The following TMEM178B variants were observed in gnomAD, a reference collection of about 807,000 sequenced individuals.
TMEM178B encodes transmembrane protein 178B.
TMEM178B carries 5 observed loss-of-function variants against 31.0 expected under a neutral mutation model. The ratio of observed to expected loss-of-function variants is 0.16; its 90% CI spans 0.08 to 0.34. The LOEUF (loss-of-function observed/expected upper bound fraction) is 0.34. TMEM178B is among the 10% of genes least tolerant of loss of function. TMEM178B has a pLI of 1.00. For synonymous variants in TMEM178B, 164 were observed against 164.0 expected, an observed-to-expected ratio of 1.00 and a Z score of 0.00; for missense variants, 275 against 400.3, an observed-to-expected ratio of 0.69 and a Z score of 2.67.
At position 141,263,518 on chromosome 7, in the gene TMEM178B, G is replaced by T. The variant is rs114644520; in HGVS notation, c.496+50814G>T. On this transcript the variant is annotated intron_variant, in intron 2 of 3. Transcript: ENST00000565468. ...ATGGAGGTCAGAGGACAGAGTGAAG[G>T]CTGGGGTAGGGGAAAGGTCTGTCTG... Among the ~76,000 whole-genome samples the T allele has an allele frequency of 3.2e-3, 485 of 152,330 alleles. 1 individual carries two copies. Among genetic ancestry groups the T allele is most frequent in the African/African-American group, 0.011 (469 of 41,564 alleles).
intron 2 of TMEM178B, among the ~76,000 whole-genome samples, chr7:141,401,723 C>T (rs140538630): frequency 3.9e-5 from 6 of 152,262 alleles, no homozygotes; most frequent in African/African-American, 1.2e-4. Flanking sequence ...ATCTTTTTTA[C>T]AGGACAGAAA....
chr7:141,470,200 A>G (rs1802214393), intron 3 of TMEM178B, among the ~76,000 whole-genome samples: 1 of 152,216 alleles, frequency 6.6e-6, no homozygotes, highest in African/African-American at 2.4e-5. Context: ...TGCTTTAGGA[A>G]AATGAACTGA....
At chr7:141,500,955 T>A in the TMEM178B span, among the ~76,000 whole-genome samples, 1 of 152,192 alleles carries the variant, frequency 6.6e-6, no homozygotes, top group Non-Finnish European at 1.5e-5. Flanking sequence ...GAAATAAAGC[T>A]AAATAATCCT....
intron 2 of TMEM178B, among the ~76,000 whole-genome samples, chr7:141,247,970 G>A (rs748117616): frequency 2.0e-5 from 3 of 151,854 alleles, no homozygotes; most frequent in Non-Finnish European, 2.9e-5. Flanking sequence ...GCCCTGTCAT[G>A]TGTCCTCCCC....
chr7:141,142,482 G>T (rs1490648988), intron 1 of TMEM178B, among the ~76,000 whole-genome samples: 2 of 149,218 alleles, frequency 1.3e-5, no homozygotes, highest in Non-Finnish European at 3.0e-5. Flanking sequence ...TTCTCTGCTC[G>T]CTGCAAGCTC....
intron 2 of TMEM178B, among the ~76,000 whole-genome samples, chr7:141,279,493 G>A (rs1037655014): frequency 2.6e-5 from 4 of 152,184 alleles, no homozygotes; most frequent in African/African-American, 7.2e-5. Context: ...TTTCTGACTC[G>A]AAGGCTGTCA....
At chr7:141,317,403 G>C (rs553950907) in intron 2 of TMEM178B, among the ~76,000 whole-genome samples, 1 of 152,294 alleles carries the variant, frequency 6.6e-6, no homozygotes, top group South Asian at 2.1e-4. Flanking sequence ...CCTGGCTGCA[G>C]GTGCATCAGT....
At chr7:141,499,665 AAAGAT>A in the TMEM178B span, among the ~76,000 whole-genome samples, 1 of 152,014 alleles carries the variant, frequency 6.6e-6, no homozygotes, top group African/African-American at 2.4e-5. Flanking sequence ...AAACCCCACA[AAAGAT>A]AAGTATATCA....
At chr7:141,337,026 T>TCACCAC (rs1364878528) in intron 2 of TMEM178B, among the ~76,000 whole-genome samples, 3 of 25,428 alleles carry the variant, frequency 1.2e-4, no homozygotes, top group Non-Finnish European at 7.0e-5. Flanking sequence ...ATCACCACCA[T>TCACCAC]CACCACCACC....
rs906126544 is a variant in TMEM178B, at chr7:141,074,754, C to T, written c.382+62C>T. 2.0e-5 allele frequency: 28 copies of T among 1,435,624 alleles called. No individual in the cohort carries two copies. Among genetic ancestry groups the T allele is most frequent in the Non-Finnish European group, 2.5e-5 (28 of 1,099,852 alleles). The allele number at this position is 1,435,624 out of a possible 1,614,324, so 88.9% of individuals were successfully genotyped here. On this transcript the variant is annotated intron_variant, in intron 1 of 3. Coordinates refer to ENST00000565468, the MANE Select transcript of TMEM178B (RefSeq NM_001195278.2). This position sits in a 1 kb window ranked among gnomAD's most constrained non-coding sequence, Gnocchi z 5.1. ...CCCGGCGCCTTTAGGCCCCGCAGCC[C>T]CTCGCGTCTCCTTCCCAGGCCACAG...
At chr7:141,302,865 A>C (rs1422608590) in intron 2 of TMEM178B, among the ~76,000 whole-genome samples, 1 of 152,216 alleles carries the variant, frequency 6.6e-6, no homozygotes, top group African/African-American at 2.4e-5. Context: ...AGGCAGCCTG[A>C]TAGAGACTTG....
the TMEM178B span, among the ~76,000 whole-genome samples, chr7:141,499,239 C>T: frequency 6.6e-6 from 1 of 152,114 alleles, no homozygotes; most frequent in Admixed American, 6.5e-5. Flanking sequence ...TTTCAGTGTA[C>T]ATTTCTAGCT....
intron 2 of TMEM178B, among the ~76,000 whole-genome samples, chr7:141,436,507 A>G (rs954232953): frequency 1.3e-5 from 2 of 151,962 alleles, no homozygotes; most frequent in Admixed American, 1.3e-4. Context: ...GGATGGGTGG[A>G]GAGAGGGCCC....
At chr7:141,225,382 A>G (rs1370018307) in intron 2 of TMEM178B, among the ~76,000 whole-genome samples, 1 of 152,128 alleles carries the variant, frequency 6.6e-6, no homozygotes. Context: ...TTTATTTTCC[A>G]CTTCTCAGTT....
At chr7:141,292,125 G>T (rs1239314158) in intron 2 of TMEM178B, among the ~76,000 whole-genome samples, 1 of 152,108 alleles carries the variant, frequency 6.6e-6, no homozygotes, top group Admixed American at 6.5e-5. Flanking sequence ...ATGACTGCAG[G>T]TCGCTAATGT....
intron 2 of TMEM178B, among the ~76,000 whole-genome samples, chr7:141,298,596 A>G (rs530471093): frequency 1.8e-4 from 28 of 152,316 alleles, no homozygotes; most frequent in Admixed American, 1.6e-3. Context: ...TGAGCCTCCA[A>G]TAGTTCTCAT....
intron 1 of TMEM178B, among the ~76,000 whole-genome samples, chr7:141,136,698 C>T (rs549149672): frequency 6.6e-6 from 1 of 152,030 alleles, no homozygotes; most frequent in Non-Finnish European, 1.5e-5. Context: ...AACAAAAAGC[C>T]CAATCCCATT....
intron 1 of TMEM178B, among the ~76,000 whole-genome samples, chr7:141,159,018 T>C (rs1011636920): frequency 3.3e-5 from 5 of 152,020 alleles, no homozygotes; most frequent in African/African-American, 9.7e-5. Flanking sequence ...TTTAAAGATA[T>C]TTATATCCCT....
chr7:141,163,511 AATT>A (rs1041913308), intron 1 of TMEM178B, among the ~76,000 whole-genome samples: 7 of 151,178 alleles, frequency 4.6e-5, no homozygotes, highest in East Asian at 1.9e-4. Flanking sequence ...AGCAAACAGC[AATT>A]TTTTTTTTTT....
Sources: allele counts gnomAD v4.1 joint callset (sites outside exome capture counted in the v4.1 genomes callset), GRCh38; gene constraint gnomAD v4.1.1; non-coding constraint Gnocchi (gnomAD v3.1); transcripts MANE v1.5; gene names NCBI Gene and HGNC (gene_info 2026-07-23, HGNC 2026-07-21).